Variants in FGF13 observed in about 807,000 individuals in gnomAD.
FGF13 encodes fibroblast growth factor 13, also known as fibroblast growth factor homologous factor 2.
A neutral mutation model predicts 19.5 loss-of-function variants in FGF13; 2 were observed. That is an observed-to-expected ratio of 0.10 (90% confidence interval 0.04 to 0.32). The LOEUF is 0.32. FGF13 is among the 10% of genes least tolerant of loss of function. The pLI is 1.00. For synonymous variants in FGF13, 72 were observed against 76.9 expected, an observed-to-expected ratio of 0.94 and a Z score of 0.33; for missense variants, 113 against 192.7, an observed-to-expected ratio of 0.59 and a Z score of 2.45.
At chrX:139,180,506 AT>A (rs1402225672) in intron 1 of FGF13, among the ~76,000 whole-genome samples, 8 of 111,554 alleles carry the variant, frequency 7.2e-5, no homozygotes, top group Non-Finnish European at 1.1e-4. Flanking sequence ...ATTACAAATT[AT>A]TTTTTTCTTA....
chrX:138,955,969 C>T (rs1459498906), intron 1 of FGF13, among the ~76,000 whole-genome samples: 2 of 111,941 alleles, frequency 1.8e-5, no homozygotes, highest in African/African-American at 3.2e-5. Flanking sequence ...AGGCTTGGCT[C>T]GCCCATAGTC....
intron 1 of FGF13, among the ~76,000 whole-genome samples, chrX:138,932,703 AGTGTGTGTGT>A (rs57793547): frequency 0.033 from 3,021 of 90,265 alleles, 122 homozygotes; most frequent in African/African-American, 0.12. Context: ...TCAGGAGTGT[AGTGTGTGTGT>A]GTGTGTGTGT....
In FGF13 at chrX:138,618,000, C is replaced by T. The variant is rs2124063880; in HGVS notation, c.*14850G>A. ...AATTATTTTGTAAAACTCAACAATTCCAAAATAAACTTTATTCAAGGAAAA... is the reference window on the plus strand; with the variant it reads ...AATTATTTTGTAAAACTCAACAATTTCAAAATAAACTTTATTCAAGGAAAA... On this transcript the variant is annotated 3_prime_UTR_variant, in exon 5 of 5. Transcript: ENST00000315930. 9.1e-6 allele frequency: 1 copy of T among 110,275 alleles called. No individual in the cohort carries two copies. The highest frequency in any genetic ancestry group is 1.9e-5 in the Non-Finnish European group (1 of 52,667). The allele number at this position is 110,275 out of a possible 1,213,427, so 9.1% of individuals were successfully genotyped here.
intron 4 of FGF13, among the ~76,000 whole-genome samples, chrX:138,634,511 T>C (rs1367088677): frequency 1.8e-5 from 2 of 113,236 alleles, no homozygotes; most frequent in East Asian, 5.5e-4. Context: ...ACATGCACTA[T>C]GGAAAAATTA....
intron 3 of FGF13, among the ~76,000 whole-genome samples, chrX:138,835,419 T>G (rs1569407704): frequency 2.7e-5 from 3 of 112,009 alleles, no homozygotes; most frequent in African/African-American, 9.7e-5. Flanking sequence ...GATTTTTGTT[T>G]TGTTTTGTTT....
intron 3 of FGF13, among the ~76,000 whole-genome samples, chrX:138,646,012 T>C (rs1175954930): frequency 8.9e-6 from 1 of 112,409 alleles, no homozygotes; most frequent in African/African-American, 3.2e-5. Flanking sequence ...TCACTTCTTT[T>C]GTTCCAAACC....
intron 3 of FGF13, among the ~76,000 whole-genome samples, chrX:138,768,261 T>C (rs1035498907): frequency 3.6e-5 from 4 of 112,251 alleles, no homozygotes; most frequent in Non-Finnish European, 7.5e-5. Context: ...CTATGAAATG[T>C]GGAAAGGCTT....
chrX:138,683,467 C>A (rs1224630560), intron 3 of FGF13, among the ~76,000 whole-genome samples: 1 of 109,977 alleles, frequency 9.1e-6, no homozygotes, highest in Non-Finnish European at 1.9e-5. Context: ...GAAATCATGT[C>A]TCTTCTCTTG....
intron 3 of FGF13, among the ~76,000 whole-genome samples, chrX:138,846,478 T>C: frequency 9.0e-6 from 1 of 111,707 alleles, no homozygotes; most frequent in Non-Finnish European, 1.9e-5. Context: ...AATATGGATG[T>C]GTCATTTCCT....
chrX:139,182,688 A>G (rs959226307), intron 1 of FGF13, among the ~76,000 whole-genome samples: 1 of 111,785 alleles, frequency 8.9e-6, no homozygotes, highest in Non-Finnish European at 1.9e-5. Flanking sequence ...CTTAGAAACC[A>G]AGTATGTAGT....
intron 3 of FGF13, among the ~76,000 whole-genome samples, chrX:138,791,612 C>A (rs1259304814): frequency 8.9e-6 from 1 of 111,860 alleles, no homozygotes; most frequent in Non-Finnish European, 1.9e-5. Context: ...AGATTGTTGT[C>A]CTGGAAGGCT....
At chrX:138,914,348 C>T (rs2091607195) in intron 1 of FGF13, among the ~76,000 whole-genome samples, 1 of 110,213 alleles carries the variant, frequency 9.1e-6, no homozygotes, top group African/African-American at 3.3e-5. Context: ...CTTCTCCTAC[C>T]ATTATTTTGC....
chrX:139,155,493 C>T (rs1317321779), intron 1 of FGF13, among the ~76,000 whole-genome samples: 2 of 111,698 alleles, frequency 1.8e-5, no homozygotes, highest in Non-Finnish European at 3.8e-5. Flanking sequence ...CAAAGAAATC[C>T]CCCAACACTC....
chrX:138,733,963 G>T (rs1165189567), intron 1 of FGF13, among the ~76,000 whole-genome samples: 2 of 111,136 alleles, frequency 1.8e-5, no homozygotes, highest in Non-Finnish European at 3.8e-5. Context: ...GATGCTCAGC[G>T]CAAGGGGACA....
intron 1 of FGF13, among the ~76,000 whole-genome samples, chrX:138,954,019 TAC>T (rs1163615628): frequency 9.0e-6 from 1 of 110,597 alleles, no homozygotes; most frequent in Non-Finnish European, 1.9e-5. Context: ...ATGTGTGTTA[TAC>T]AGTTATAAAC....
At chrX:139,127,396 G>A (rs1414882482) in intron 1 of FGF13, among the ~76,000 whole-genome samples, 1 of 111,768 alleles carries the variant, frequency 8.9e-6, no homozygotes, top group Non-Finnish European at 1.9e-5. Flanking sequence ...TTGAGAATGA[G>A]AGCTGGGTGA....
intron 1 of FGF13, among the ~76,000 whole-genome samples, chrX:138,877,125 G>A (rs113406609): frequency 0.12 from 13,705 of 110,676 alleles, 815 homozygotes; most frequent in Middle Eastern, 0.21. Context: ...GGGGTGGTGG[G>A]GGGTGAGGGA....
intron 3 of FGF13, among the ~76,000 whole-genome samples, chrX:138,655,765 A>C (rs1053192645): frequency 5.4e-5 from 6 of 111,866 alleles, no homozygotes; most frequent in African/African-American, 2.0e-4. Context: ...TGTTATTATT[A>C]TGTTACATCC....
chrX:138,758,494 C>A (rs7882487), intron 3 of FGF13, among the ~76,000 whole-genome samples: 6,068 of 111,064 alleles, frequency 0.055, 399 homozygotes, highest in African/African-American at 0.18. Flanking sequence ...CTTGGCATTG[C>A]AGCTCTCCAC....
Sources: allele counts gnomAD v4.1 joint callset (sites outside exome capture counted in the v4.1 genomes callset), GRCh38; gene constraint gnomAD v4.1.1; transcripts MANE v1.5; gene names NCBI Gene and HGNC (gene_info 2026-07-23, HGNC 2026-07-21).